The following AP3S1 variants were observed in gnomAD, a reference collection of about 807,000 sequenced individuals.
The protein encoded by AP3S1 is AP-3 complex subunit sigma-1.
In AP3S1, 12 loss-of-function variants were observed where a neutral mutation model predicts 21.3. That is an observed-to-expected ratio of 0.56 (90% CI 0.36 to 0.91). AP3S1 has a LOEUF of 0.91. Among genes scored for constraint, AP3S1 ranks in the 40% least tolerant of loss-of-function variants. The pLI, the probability that AP3S1 is intolerant of heterozygous loss-of-function variation, is 0.01. For missense variants in AP3S1, 116 were observed against 225.0 expected, an observed-to-expected ratio of 0.52 and a Z score of 3.10; for synonymous variants, 48 against 78.4, an observed-to-expected ratio of 0.61 and a Z score of 2.05.
intron 3 of AP3S1, among the ~76,000 whole-genome samples, chr5:115,894,464 G>T (rs968712529): frequency 2.0e-5 from 3 of 152,146 alleles, no homozygotes; most frequent in Non-Finnish European, 4.4e-5. Context: ...TGAAAGGTTG[G>T]AGCTTAGTTC....
intron 5 of AP3S1, chr5:115,906,957 G>A: frequency 1.5e-6 from 2 of 1,377,426 alleles, no homozygotes; most frequent in African/African-American, 2.9e-5. Flanking sequence ...AAAATTCTTT[G>A]TGTTAATAAA....
At chr5:115,882,504 G>A (rs900334930) in intron 3 of AP3S1, among the ~76,000 whole-genome samples, 4 of 152,144 alleles carry the variant, frequency 2.6e-5, no homozygotes, top group East Asian at 1.9e-4. Context: ...TCCAGACCCC[G>A]TTTGCCTGGG....
At chr5:115,854,635 TC>T (rs1762668381) in intron 1 of AP3S1, among the ~76,000 whole-genome samples, 1 of 150,820 alleles carries the variant, frequency 6.6e-6, no homozygotes, top group Admixed American at 6.6e-5. Flanking sequence ...TTTTCATGAT[TC>T]CTAAATGTTT....
chr5:115,911,344 C>T (rs1752093170), intron 5 of AP3S1, among the ~76,000 whole-genome samples: 1 of 151,976 alleles, frequency 6.6e-6, no homozygotes, highest in Non-Finnish European at 1.5e-5. Context: ...AACACACACA[C>T]ACACACGCAC....
At chr5:115,870,218 T>A in intron 3 of AP3S1, 90 bp downstream of exon 3, 2 of 781,172 alleles carry the variant, frequency 2.6e-6, no homozygotes, top group Non-Finnish European at 4.0e-6. Flanking sequence ...TCTAAAATGA[T>A]GTTAGTAAGA....
Position 115,842,087 on chromosome 5 carries a change from C to G in AP3S1, c.50C>G (p.Ser17Cys). 6.3e-7 allele frequency: 1 copy of G among 1,578,986 alleles called. No individual in the cohort carries two copies. Among genetic ancestry groups the G allele is most frequent in the Non-Finnish European group, 8.6e-7 (1 of 1,164,238 alleles). Residue 17 changes from serine to cysteine, a missense_variant, in exon 1 of 6, where the codon TCC (serine) becomes TGC (cysteine). This residue lies in a region of AP3S1 where 50 missense variants were observed against 55.5 expected (regional missense o/e 0.90). Transcript: ENST00000316788. ...IFNNHGKPRL[S>C]KFYQPYSEDT... ...AACAACCACGGGAAGCCGCGGCTCTCCAAGTTCTACCAGCCCTACGTGAGT... is the reference window on the plus strand; with the variant it reads ...AACAACCACGGGAAGCCGCGGCTCTGCAAGTTCTACCAGCCCTACGTGAGT...
intron 3 of AP3S1, among the ~76,000 whole-genome samples, chr5:115,888,617 T>C (rs1050437604): frequency 6.6e-6 from 1 of 152,140 alleles, no homozygotes; most frequent in Non-Finnish European, 1.5e-5. Context: ...GTACTTTTTT[T>C]ATAGTATTCA....
At chr5:115,846,431 G>T (rs916280783) in intron 1 of AP3S1, among the ~76,000 whole-genome samples, 16 of 152,156 alleles carry the variant, frequency 1.1e-4, no homozygotes, top group Admixed American at 8.5e-4. Context: ...CACATATTAA[G>T]TGCAAGCAGG....
chr5:115,889,386 T>C (rs550168348), intron 3 of AP3S1, among the ~76,000 whole-genome samples: 4 of 152,338 alleles, frequency 2.6e-5, no homozygotes, highest in East Asian at 3.9e-4. Context: ...CCACTCCACG[T>C]CATACACAGA....
At chr5:115,863,759 A>G (rs752062280) in intron 1 of AP3S1, among the ~76,000 whole-genome samples, 6 of 152,204 alleles carry the variant, frequency 3.9e-5, no homozygotes, top group African/African-American at 1.4e-4. Flanking sequence ...TGAAGTCATT[A>G]TATGATAACA....
intron 5 of AP3S1, among the ~76,000 whole-genome samples, chr5:115,905,024 A>G (rs1180865574): frequency 3.9e-5 from 6 of 152,138 alleles, no homozygotes; most frequent in Non-Finnish European, 8.8e-5. Context: ...TACTTAAGAC[A>G]TTTATGCCTG....
At chr5:115,890,652 G>A (rs1053883902) in intron 3 of AP3S1, among the ~76,000 whole-genome samples, 7 of 152,226 alleles carry the variant, frequency 4.6e-5, no homozygotes, top group African/African-American at 1.7e-4. Context: ...TACTTAGGTG[G>A]GGGTGGAACT....
At chr5:115,848,980 C>T (rs1296227970) in intron 1 of AP3S1, among the ~76,000 whole-genome samples, 1 of 152,144 alleles carries the variant, frequency 6.6e-6, no homozygotes, top group East Asian at 1.9e-4. Flanking sequence ...AGAGTTAGGC[C>T]TCTGACTAGG....
At chr5:115,852,642 C>T (rs1338346866) in intron 1 of AP3S1, among the ~76,000 whole-genome samples, 2 of 152,108 alleles carry the variant, frequency 1.3e-5, no homozygotes, top group Non-Finnish European at 2.9e-5. Context: ...CCCACTGTCC[C>T]TGGCAACCAC....
At chr5:115,913,147 A>G (rs529961740) in intron 5 of AP3S1, among the ~76,000 whole-genome samples, 1 of 152,184 alleles carries the variant, frequency 6.6e-6, no homozygotes, top group South Asian at 2.1e-4. Flanking sequence ...CATTGTTATC[A>G]TTGCATGTGT....
intron 1 of AP3S1, among the ~76,000 whole-genome samples, chr5:115,850,004 A>G (rs967119029): frequency 6.6e-6 from 1 of 152,232 alleles, no homozygotes; most frequent in Non-Finnish European, 1.5e-5. Context: ...CTGTGAAGTA[A>G]CAGAACTCAA....
At chr5:115,852,098 A>T (rs544547794) in intron 1 of AP3S1, among the ~76,000 whole-genome samples, 7 of 152,262 alleles carry the variant, frequency 4.6e-5, no homozygotes, top group African/African-American at 1.4e-4. Flanking sequence ...TAAGTGGAAG[A>T]TCATGTAGTC....
At position 115,906,772 on chromosome 5, in the gene AP3S1, T is replaced by A. The variant is rs1339648521; in HGVS notation, c.453+3780T>A. 15 of 1,385,764 alleles carry A rather than the reference T, an allele frequency of 1.1e-5. 1 individual carries two copies. Among genetic ancestry groups the A allele is most frequent in the Non-Finnish European group, 1.4e-5 (15 of 1,046,138 alleles). 85.8% of individuals were successfully genotyped at this position (1,385,764 alleles called of 1,614,324 possible). ...TTTTTGAAAGTCAGTCCTCTTTTTT[T>A]TCCGAACATCCTGATCTTTCTAGCT... On this transcript the variant is annotated intron_variant, in intron 5 of 5. Transcript: ENST00000316788.
At chr5:115,895,388 T>C (rs929427737) in intron 4 of AP3S1, among the ~76,000 whole-genome samples, 1 of 152,134 alleles carries the variant, frequency 6.6e-6, no homozygotes, top group Non-Finnish European at 1.5e-5. Context: ...ATAATAATAA[T>C]AGTATGTGTA....
Sources: gnomAD v4.1 joint callset for allele counts (sites outside exome capture counted in the v4.1 genomes callset) on GRCh38, gnomAD v4.1.1 for gene constraint, gnomAD v4.1.1 regional missense constraint, MANE v1.5 for transcripts, NCBI Gene and HGNC (gene_info 2026-07-23, HGNC 2026-07-21) for gene names.